Variants in ZNF263 observed in about 807,000 individuals in gnomAD.
The protein encoded by ZNF263 is zinc finger protein FPM315.
A neutral mutation model predicts 63.1 loss-of-function variants in ZNF263; 49 were observed. The ratio of observed to expected loss-of-function variants is 0.78; its 90% CI spans 0.62 to 0.99. The LOEUF (loss-of-function observed/expected upper bound fraction) is 0.99, where lower values mean the gene tolerates loss of function less well. Among genes scored for constraint, ZNF263 ranks in the 50% least tolerant of loss-of-function variants. The probability of loss-of-function intolerance (pLI) is 0.00; values close to 1 mark genes in which losing one functional copy is unlikely to be tolerated. For synonymous variants in ZNF263, 352 were observed against 324.2 expected, an observed-to-expected ratio of 1.09 and a Z score of -0.92; for missense variants, 872 against 854.8, an observed-to-expected ratio of 1.02 and a Z score of -0.25.
At chr16:3,299,326 A>T in intron 2 of ZNF263, 1 of 1,596,472 alleles carries the variant, frequency 6.3e-7, no homozygotes, top group Non-Finnish European at 8.5e-7. Context: ...CTTAGTTTCC[A>T]ACTCCCCACA....
exon 3 of ZNF263, chr16:3,301,149 A>T (rs1234651291): frequency 6.0e-6 from 1 of 167,610 alleles, no homozygotes; most frequent in African/African-American, 2.4e-5. Flanking sequence ...CCTTCCAAAA[A>T]GACCTGATTT....
Position 3,286,035 on chromosome 16 carries a change from T to G in ZNF263, c.655T>G (p.Leu219Val). The change falls in exon 4 of 6, where the codon TTA (leucine) becomes GTA (valine). Residue 219 changes from leucine to valine, a missense_variant. Coordinates refer to ENST00000219069, the MANE Select transcript of ZNF263 (RefSeq NM_005741.5). ...EMTGPQLPESLEDVAMYISQE... is the reference protein window; with the variant it reads ...EMTGPQLPESVEDVAMYISQE... ...TGTGCTGTTTCAGTTGCCTGAGAGC[T>G]TAGAGGACGTGGCAATGTACATCTC... 1 of 1,613,714 alleles carries G rather than the reference T, an allele frequency of 6.2e-7. No individual in the cohort carries two copies. Among genetic ancestry groups the G allele is most frequent in the Non-Finnish European group, 8.5e-7 (1 of 1,179,852 alleles).
At chr16:3,295,005 CG>C (rs1205558304), downstream of ZNF263, among the ~76,000 whole-genome samples, 1 of 152,170 alleles carries the variant, frequency 6.6e-6, no homozygotes, top group Non-Finnish European at 1.5e-5. Context: ...AGGGAGTTCT[CG>C]GCTCTCCTGG....
At chr16:3,294,549 T>C (rs1000743295), downstream of ZNF263, among the ~76,000 whole-genome samples, 5 of 152,200 alleles carry the variant, frequency 3.3e-5, no homozygotes, top group Admixed American at 2.6e-4. Flanking sequence ...CTCCCAATTA[T>C]TGACTTCTGT....
chr16:3,292,900 A>G (rs542960498), downstream of ZNF263: 1 of 152,376 alleles, frequency 6.6e-6, no homozygotes, highest in South Asian at 2.1e-4. Context: ...TATGCCTGGC[A>G]TGTAAGAAAG....
At chr16:3,298,916 TC>T (rs1567257926) in intron 1 of ZNF263, 8 of 763,880 alleles carry the variant, frequency 1.0e-5, no homozygotes, top group Non-Finnish European at 1.5e-5. Context: ...ACAAGACAAT[TC>T]ACAGCTGGCC....
At chr16:3,297,819 A>G (rs113311087) in intron 1 of ZNF263, among the ~76,000 whole-genome samples, 2 of 152,146 alleles carry the variant, frequency 1.3e-5, no homozygotes, top group Non-Finnish European at 2.9e-5. Context: ...AGCCAATAAG[A>G]GCTAATTATC....
chr16:3,288,259 A>AG (rs2150773273), intron 4 of ZNF263, among the ~76,000 whole-genome samples, 195 bp from the exon 5 acceptor site: 1 of 152,130 alleles, frequency 6.6e-6, no homozygotes, highest in Admixed American at 6.5e-5. Flanking sequence ...CTCAAAAAAA[A>AG]AAAAAAAGTC....
downstream of ZNF263, chr16:3,291,500 C>T (rs974387344): frequency 4.1e-6 from 4 of 985,166 alleles, no homozygotes; most frequent in African/African-American, 1.7e-5. Flanking sequence ...TCTAGACCCC[C>T]GAGTGTTGAT....
At chr16:3,298,314 TATG>T (rs1959822039) in intron 1 of ZNF263, among the ~76,000 whole-genome samples, 1 of 152,236 alleles carries the variant, frequency 6.6e-6, no homozygotes, top group Non-Finnish European at 1.5e-5. Flanking sequence ...AAGTCATTAT[TATG>T]AAGACTAACA....
intron 4 of ZNF263, among the ~76,000 whole-genome samples, chr16:3,288,213 C>T (rs970485541): frequency 6.6e-6 from 1 of 151,102 alleles, no homozygotes; most frequent in African/African-American, 2.4e-5. Flanking sequence ...GATCGTGCCA[C>T]TGCACTCCAG....
Position 3,290,430 on chromosome 16 carries a change from C to A in ZNF263, c.1924C>A (p.His642Asn). The A allele has an allele frequency of 1.9e-6, 3 of 1,614,150 alleles. No individual in the cohort carries two copies. The highest frequency in any genetic ancestry group is 2.5e-6 in the Non-Finnish European group (3 of 1,180,028). Residue 642 changes from histidine to asparagine, a missense_variant, in exon 6 of 6, where the codon CAC becomes AAC. His to Asn is a moderately conservative substitution (Grantham distance 68, BLOSUM62 1). Coordinates refer to ENST00000219069, the MANE Select transcript of ZNF263 (RefSeq NM_005741.5). ...TCATGAGTGCGGAGACAGCTTCTCT[C>A]ACAGCTCCAATCGGATTCGCCACCT... ...TCHECGDSFS[H>N]SSNRIRHLRT...
Position 3,289,937 on chromosome 16 carries a change from C to T in ZNF263, c.1431C>T (p.Leu477=). The T allele has an allele frequency of 6.2e-7, 1 of 1,614,152 alleles. No homozygotes were observed. Among genetic ancestry groups the T allele is most frequent in the Admixed American group, 1.7e-5 (1 of 60,030 alleles). ...CGKCFSCNSN[L]HRHQRTHTGE... ...AATGTTTCTCCTGCAACTCCAACCT[C>T]CACAGGCACCAGAGAACGCACACTG... Residue 477 remains leucine, a synonymous_variant, in exon 6 of 6, where the codon CTC becomes CTT. Coordinates refer to ENST00000219069, the MANE Select transcript of ZNF263 (RefSeq NM_005741.5).
At position 3,283,755 on chromosome 16, in the gene ZNF263, G is replaced by A. The variant is rs945324873; in HGVS notation, c.-64G>A. ...GCTGGCGCCGTCCAACCTTACATGG[G>A]TTCAGGGCGCCTTCGTAGGCGGGCA... On this transcript the variant is annotated 5_prime_UTR_variant, in exon 1 of 6. Coordinates refer to ENST00000219069, the MANE Select transcript of ZNF263 (RefSeq NM_005741.5). 4.7e-6 allele frequency: 7 copies of A among 1,492,394 alleles called. No homozygotes were observed. The East Asian group carries it at 1.4e-4, about 30-fold the overall frequency. The allele number at this position is 1,492,394 out of a possible 1,614,324, so 92.4% of individuals were successfully genotyped here. A position where few individuals can be genotyped will look rare whatever the true frequency, so the allele number is the denominator to read the frequency against.
At chr16:3,300,384 A>G (rs766055451) in intron 2 of ZNF263, 21 of 1,614,146 alleles carry the variant, frequency 1.3e-5, no homozygotes, top group Non-Finnish European at 1.6e-5. Flanking sequence ...CTACATCACC[A>G]TATTTGGCTC....
At position 3,286,020 on chromosome 16, in the gene ZNF263, C is replaced by T; in HGVS notation, c.643-3C>T. The T allele has an allele frequency of 3.1e-6, 5 of 1,613,910 alleles. No individual in the cohort carries two copies. The highest frequency in any genetic ancestry group is 4.2e-6 in the Non-Finnish European group (5 of 1,179,936). On this transcript the variant is annotated splice_polypyrimidine_tract_variant and splice_region_variant and intron_variant, in intron 3 of 5. Transcript: ENST00000219069. ...GGCTAAAGGAGATCTTGTGCTGTTT[C>T]AGTTGCCTGAGAGCTTAGAGGACGT...
chr16:3,287,212 G>A (rs1234770150), intron 4 of ZNF263, among the ~76,000 whole-genome samples: 1 of 152,196 alleles, frequency 6.6e-6, no homozygotes, highest in Non-Finnish European at 1.5e-5. Flanking sequence ...CCGGGTTCAA[G>A]TGATTCTCCT....
intron 1 of ZNF263, among the ~76,000 whole-genome samples, 163 bp from the exon 2 acceptor site, chr16:3,284,896 A>C (rs1461238912): frequency 6.6e-6 from 1 of 152,200 alleles, no homozygotes; most frequent in Non-Finnish European, 1.5e-5. Context: ...CTCCCCCTGC[A>C]CATGGGATCA....
intron 1 of ZNF263, among the ~76,000 whole-genome samples, chr16:3,296,601 A>C (rs553049458): frequency 2.0e-4 from 31 of 152,380 alleles, no homozygotes; most frequent in African/African-American, 7.2e-4. Flanking sequence ...GCAAGAAAGC[A>C]CAAATCAAGC....
Sources: gnomAD v4.1 joint callset for allele counts (sites outside exome capture counted in the v4.1 genomes callset) on GRCh38, gnomAD v4.1.1 for gene constraint, MANE v1.5 for transcripts, NCBI Gene and HGNC (gene_info 2026-07-23, HGNC 2026-07-21) for gene names.